RMDN3: variants seen among roughly 807,000 people sequenced by gnomAD.
The protein encoded by RMDN3 is regulator of microtubule dynamics protein 3.
RMDN3 carries 41 observed loss-of-function variants against 61.8 expected under a neutral mutation model. That is an observed-to-expected ratio of 0.66 (90% CI 0.52 to 0.86). The LOEUF (loss-of-function observed/expected upper bound fraction) is 0.86. RMDN3 is among the 40% of genes least tolerant of loss of function. RMDN3 has a pLI of 0.00. For missense variants in RMDN3, 557 were observed against 585.3 expected, an observed-to-expected ratio of 0.95 and a Z score of 0.50; for synonymous variants, 247 against 232.0, an observed-to-expected ratio of 1.06 and a Z score of -0.59.
intron 4 of RMDN3, among the ~76,000 whole-genome samples, chr15:40,750,217 T>TG (rs1253295308): frequency 1.6e-4 from 23 of 140,144 alleles, no homozygotes; most frequent in African/African-American, 6.2e-4. Flanking sequence ...CTCGTTTTTT[T>TG]TTTTTTTTTT....
chr15:40,736,329 C>A lies in RMDN3; in HGVS notation c.*212G>T, dbSNP rs1420911980. The A allele has an allele frequency of 9.6e-6, 5 of 519,336 alleles. No homozygotes were observed. The highest frequency in any genetic ancestry group is 2.0e-5 in the African/African-American group (1 of 50,648). The allele number at this position is 519,336 out of a possible 1,614,324, so 32.2% of individuals were successfully genotyped here. A position where few individuals can be genotyped will look rare whatever the true frequency, so the allele number is the denominator to read the frequency against. On this transcript the variant is annotated 3_prime_UTR_variant, in exon 13 of 13. Transcript: ENST00000338376. ...TTAAGAGATTACTCAAGGGAGAGAA[C>A]AACAGAAACGGAAGCCATGAGTACT...
chr15:40,737,868 G>T, intron 9 of RMDN3, 97 bp downstream of exon 9: 1 of 1,492,028 alleles, frequency 6.7e-7, no homozygotes. Flanking sequence ...AAGGGCACCT[G>T]AGCCAGAGAA....
At position 40,738,125 on chromosome 15, in the gene RMDN3, G is replaced by A; in HGVS notation, c.1048-83C>T. On this transcript the variant is annotated intron_variant, in intron 8 of 12. Coordinates refer to ENST00000338376, the MANE Select transcript of RMDN3 (RefSeq NM_018145.3). ...GCAAGGGCCGGATGCAGTGGCTCAT[G>A]CCTGTAATCCCTGCACTTTGGGAAG... 3.6e-6 allele frequency: 5 copies of A among 1,401,910 alleles called. 1 individual carries two copies. In the South Asian group the frequency reaches 5.8e-5, roughly 16 times the overall value. 86.8% of individuals were successfully genotyped at this position (1,401,910 alleles called of 1,614,324 possible). A position where few individuals can be genotyped will look rare whatever the true frequency, so the allele number is the denominator to read the frequency against.
intron 10 of RMDN3, 136 bp from the exon 11 acceptor site, chr15:40,737,477 C>T: frequency 1.8e-6 from 2 of 1,112,414 alleles, no homozygotes; most frequent in South Asian, 1.3e-5. Flanking sequence ...TTTTGATAAG[C>T]TGTGCAAGTG....
intron 6 of RMDN3, among the ~76,000 whole-genome samples, chr15:40,742,365 A>G (rs1422776521): frequency 6.6e-6 from 1 of 152,134 alleles, no homozygotes; most frequent in Non-Finnish European, 1.5e-5. Context: ...CTTCCCAAAG[A>G]GAGGGACCAC....
Position 40,735,977 on chromosome 15 carries a change from C to CCA in RMDN3, c.*562_*563dup, listed in dbSNP as rs2141894713. On this transcript the variant is annotated 3_prime_UTR_variant, in exon 13 of 13. Coordinates refer to ENST00000338376, the MANE Select transcript of RMDN3 (RefSeq NM_018145.3). ...GTTTTATAGCATCATAAACCCCATA[C>CCA]CACTGCTGTCATTCCAAAAGCTGCC... 6.6e-6 allele frequency: 1 copy of CCA among 152,424 alleles called. No individual in the cohort carries two copies. Among genetic ancestry groups the CCA allele is most frequent in the South Asian group, 2.1e-4 (1 of 4,822 alleles). 9.4% of individuals were successfully genotyped at this position (152,424 alleles called of 1,614,324 possible).
intron 2 of RMDN3, among the ~76,000 whole-genome samples, chr15:40,752,663 GAGA>G (rs1414398753): frequency 6.6e-6 from 1 of 152,142 alleles, no homozygotes; most frequent in African/African-American, 2.4e-5. Flanking sequence ...TAGTATATCA[GAGA>G]AGGACTAGGA....
At chr15:40,746,297 G>C (rs540554633) in intron 4 of RMDN3, among the ~76,000 whole-genome samples, 72 of 151,990 alleles carry the variant, frequency 4.7e-4, no homozygotes, top group Non-Finnish European at 9.0e-4. Context: ...GGGCGGATCA[G>C]GAGGTCAGGA....
Position 40,740,182 on chromosome 15 carries a change from CTTCTTCTT to C in RMDN3, c.914_921del (p.Lys305SerfsTer10). The C allele has an allele frequency of 6.2e-7, 1 of 1,610,500 alleles. No individual in the cohort carries two copies. The highest frequency in any genetic ancestry group is 8.5e-7 in the Non-Finnish European group (1 of 1,177,200). On this transcript the variant is annotated frameshift_variant, in exon 7 of 13. Transcript: ENST00000338376. LOFTEE classifies it high-confidence loss of function. ...TCCCCCTTCTCCAGAGCAGCCTCTG[CTTCTTCTT>C]TTCCTGTAGGACGAAGGTAGATCCA... is the stretch of plus-strand genomic sequence containing the variant.
At chr15:40,737,569 T>C (rs1596037885) in intron 10 of RMDN3, 59 bp downstream of exon 10, 2 of 1,473,174 alleles carry the variant, frequency 1.4e-6, no homozygotes, top group East Asian at 4.5e-5. Flanking sequence ...CTCAATAATG[T>C]CCTTAGGAAA....
intron 4 of RMDN3, among the ~76,000 whole-genome samples, chr15:40,746,247 G>A (rs1401986775): frequency 6.6e-6 from 1 of 152,186 alleles, no homozygotes; most frequent in Non-Finnish European, 1.5e-5. Flanking sequence ...TGGGGGCGGT[G>A]GCTCACGCCT....
chr15:40,749,422 C>T (rs1566809830), intron 4 of RMDN3, among the ~76,000 whole-genome samples: 1 of 152,222 alleles, frequency 6.6e-6, no homozygotes, highest in Non-Finnish European at 1.5e-5. Flanking sequence ...AAGGCTGAGG[C>T]AGGAGCACCA....
intron 6 of RMDN3, among the ~76,000 whole-genome samples, chr15:40,741,085 AC>A (rs11340567): frequency 0.079 from 7,719 of 98,292 alleles, 641 homozygotes; most frequent in African/African-American, 0.26. Context: ...CTCAAAAAAA[AC>A]AACAACAACG....
rs780818826 is a variant in RMDN3, at chr15:40,737,945, A to C, written c.1125+20T>G. 1 of 1,613,490 alleles carries C rather than the reference A, an allele frequency of 6.2e-7. No homozygotes were observed. Among genetic ancestry groups the C allele is most frequent in the Non-Finnish European group, 8.5e-7 (1 of 1,179,416 alleles). Reference sequence around the variant, plus strand: ...GAAGGCATTTAGGACCATTATGTCAAGCACTGAAACGCAGCTTACCTGATA... The same window carrying C: ...GAAGGCATTTAGGACCATTATGTCACGCACTGAAACGCAGCTTACCTGATA... On this transcript the variant is annotated intron_variant, in intron 9 of 12. Coordinates refer to ENST00000338376, the MANE Select transcript of RMDN3 (RefSeq NM_018145.3).
Position 40,744,169 on chromosome 15 carries a change from G to T in RMDN3, c.808-20C>A. On this transcript the variant is annotated intron_variant, in intron 5 of 12. Transcript: ENST00000338376. ...TCCATACTGCAGACCAGACAGAAAC[G>T]GGTGAGGCCCCTTTTTCCTCAACTG... The T allele has an allele frequency of 1.2e-6, 2 of 1,609,998 alleles. No homozygotes were observed. The highest frequency in any genetic ancestry group is 2.2e-5 in the South Asian group (2 of 91,002).
At chr15:40,741,115 A>G (rs1383618608) in intron 6 of RMDN3, among the ~76,000 whole-genome samples, 1 of 152,114 alleles carries the variant, frequency 6.6e-6, no homozygotes, top group African/African-American at 2.4e-5. Context: ...ACAATCAGAA[A>G]TTGTCCCCAA....
rs764796409 is a variant in RMDN3 at position 40,737,095 on chromosome 15, G to A, written c.1359+29C>T. The A allele has an allele frequency of 1.1e-5, 17 of 1,577,802 alleles. No individual in the cohort carries two copies. In the Admixed American group the frequency reaches 1.3e-4, roughly 12 times the overall value. On this transcript the variant is annotated intron_variant, in intron 12 of 12. Coordinates refer to ENST00000338376, the MANE Select transcript of RMDN3 (RefSeq NM_018145.3). ...TCGAACTCCCGACTTCAGGTGATCT[G>A]CCCAACAGGCAGTATTAAAAAGCCT...
intron 6 of RMDN3, among the ~76,000 whole-genome samples, chr15:40,742,457 T>C (rs995381228): frequency 2.6e-5 from 4 of 152,136 alleles, no homozygotes; most frequent in African/African-American, 4.8e-5. Flanking sequence ...AGGAAAATAA[T>C]AGCAAAGAAT....
chr15:40,742,026 C>T (rs964274546), intron 6 of RMDN3, among the ~76,000 whole-genome samples: 2 of 151,466 alleles, frequency 1.3e-5, no homozygotes, highest in African/African-American at 4.9e-5. Flanking sequence ...AAATGTTTTC[C>T]TTTTTTTATT....
Sources: allele counts gnomAD v4.1 joint callset (sites outside exome capture counted in the v4.1 genomes callset), GRCh38; gene constraint gnomAD v4.1.1; transcripts MANE v1.5; gene names NCBI Gene and HGNC (gene_info 2026-07-23, HGNC 2026-07-21).